The following NFU1 variants were observed in gnomAD, a reference collection of about 807,000 sequenced individuals.
NFU1 encodes the protein NFU1 iron-sulfur cluster scaffold.
NFU1 carries 30 observed loss-of-function variants against 32.2 expected under a neutral mutation model. The ratio of observed to expected loss-of-function variants is 0.93; its 90% CI spans 0.70 to 1.26. The LOEUF is 1.26. Ranked by LOEUF, NFU1 falls within the 50% of genes most tolerant of loss-of-function variation. The probability of loss-of-function intolerance (pLI) is 0.00; values close to 1 mark genes in which losing one functional copy is unlikely to be tolerated. For synonymous variants in NFU1, 112 were observed against 104.6 expected, an observed-to-expected ratio of 1.07 and a Z score of -0.43; for missense variants, 306 against 306.6, an observed-to-expected ratio of 1.00 and a Z score of 0.02.
rs1673007476 is a variant in NFU1 at position 69,415,127 on chromosome 2, A to G, written c.484+58T>C. 6 of 891,842 alleles carry G rather than the reference A, an allele frequency of 6.7e-6. No individual in the cohort carries two copies. The Admixed American group carries it at 1.1e-4, about 17-fold the overall frequency. 55.2% of individuals were successfully genotyped at this position (891,842 alleles called of 1,614,324 possible). A position where few individuals can be genotyped will look rare whatever the true frequency, so the allele number is the denominator to read the frequency against. ...ACTTCTGAAATCAAGGTAAATGTGA[A>G]GAAAATAGAAAAGTCTAAAAAAAGG... On this transcript the variant is annotated intron_variant, in intron 5 of 7. Transcript: ENST00000410022.
At chr2:69,412,114 G>GA (rs1558821878) in intron 5 of NFU1, among the ~76,000 whole-genome samples, 1 of 152,044 alleles carries the variant, frequency 6.6e-6, no homozygotes, top group Non-Finnish European at 1.5e-5. Context: ...GCAATGGCAT[G>GA]ATGTCAGCTC....
Position 69,400,418 on chromosome 2 carries a change from A to G in NFU1, c.666T>C (p.Asn222=). The change falls in exon 7 of 8, where the codon AAT becomes AAC. Residue 222 remains asparagine, a synonymous_variant. Coordinates refer to ENST00000410022, the MANE Select transcript of NFU1 (RefSeq NM_001002755.4). ...AAAACTGCAGCATGTTCTGAATTCCATTTTTCAGAGTAATGATTGAACTAG... is the reference window on the plus strand; with the variant it reads ...AAAACTGCAGCATGTTCTGAATTCCGTTTTTCAGAGTAATGATTGAACTAG... ...SCPSSIITLK[N]GIQNMLQFYI... 1 of 1,614,110 alleles carries G rather than the reference A, an allele frequency of 6.2e-7. No individual in the cohort carries two copies. The highest frequency in any genetic ancestry group is 1.3e-5 in the African/African-American group (1 of 75,042).
chr2:69,439,511 A>G (rs1471298607), upstream of NFU1, among the ~76,000 whole-genome samples: 1 of 152,214 alleles, frequency 6.6e-6, no homozygotes, highest in African/African-American at 2.4e-5. Context: ...AAGATTTACT[A>G]CAAAGAGCAA....
At chr2:69,398,082 T>C (rs1672398482) in intron 7 of NFU1, among the ~76,000 whole-genome samples, 1 of 152,170 alleles carries the variant, frequency 6.6e-6, no homozygotes, top group Non-Finnish European at 1.5e-5. Flanking sequence ...AAAAATTTTG[T>C]CAACCAACTC....
upstream of NFU1, chr2:69,437,664 G>C (rs145353669): frequency 1.9e-3 from 1,155 of 610,632 alleles, 11 homozygotes; most frequent in African/African-American, 0.019. Context: ...ACGCAGCACT[G>C]TGAACGCATG....
intron 2 of NFU1, among the ~76,000 whole-genome samples, chr2:69,427,960 C>G (rs1486490476): frequency 6.6e-6 from 1 of 151,660 alleles, no homozygotes; most frequent in African/African-American, 2.4e-5. Flanking sequence ...GAGGTGGAGG[C>G]TGCAGTGAAC....
intron 5 of NFU1, among the ~76,000 whole-genome samples, chr2:69,413,402 A>G (rs193158039): frequency 1.3e-5 from 2 of 152,092 alleles, no homozygotes; most frequent in Admixed American, 1.3e-4. Flanking sequence ...CTTAAAATAT[A>G]CGGCTAATGT....
At chr2:69,406,944 T>C (rs1468001174) in intron 5 of NFU1, among the ~76,000 whole-genome samples, 1 of 152,110 alleles carries the variant, frequency 6.6e-6, no homozygotes, top group Non-Finnish European at 1.5e-5. Context: ...ATCTGATCGT[T>C]TTATAAGGAA....
intron 1 of NFU1, 100 bp downstream of exon 1, chr2:69,437,261 C>A: frequency 1.3e-6 from 2 of 1,520,238 alleles, no homozygotes; most frequent in Non-Finnish European, 1.8e-6. Context: ...CCATCAGATG[C>A]ACTACCCACC....
At chr2:69,408,354 C>A (rs900560559) in intron 5 of NFU1, among the ~76,000 whole-genome samples, 1 of 152,076 alleles carries the variant, frequency 6.6e-6, no homozygotes, top group Admixed American at 6.6e-5. Flanking sequence ...TTGCCAGTTT[C>A]TTCATTATTT....
intron 2 of NFU1, among the ~76,000 whole-genome samples, chr2:69,424,168 C>A (rs1673365519): frequency 2.3e-5 from 1 of 44,268 alleles, no homozygotes; most frequent in Non-Finnish European, 3.6e-5. Flanking sequence ...GAGACTCTGT[C>A]TCAAAAAAAA....
intron 5 of NFU1, among the ~76,000 whole-genome samples, chr2:69,406,803 A>G (rs1672708238): frequency 6.6e-6 from 1 of 152,070 alleles, no homozygotes; most frequent in South Asian, 2.1e-4. Flanking sequence ...TGTGTCCCCA[A>G]CCAAATCTCA....
chr2:69,399,419 G>T (rs1179600518), intron 7 of NFU1: 3 of 452,824 alleles, frequency 6.6e-6, no homozygotes, highest in South Asian at 4.7e-5. Context: ...TGTTGATATT[G>T]TGCTACACGT....
intron 2 of NFU1, among the ~76,000 whole-genome samples, chr2:69,429,412 T>C (rs1283362409): frequency 6.6e-6 from 1 of 151,854 alleles, no homozygotes; most frequent in African/African-American, 2.4e-5. Context: ...AATACAAAAA[T>C]TGGTCAGCTG....
At chr2:69,400,717 T>TA (rs1672495608) in intron 6 of NFU1, among the ~76,000 whole-genome samples, 179 bp from the exon 7 acceptor site, 1 of 151,980 alleles carries the variant, frequency 6.6e-6, no homozygotes, top group Non-Finnish European at 1.5e-5. Context: ...TTTTTTTTTT[T>TA]ACTCTCAGGT....
chr2:69,427,377 C>A (rs1171518346), intron 2 of NFU1, among the ~76,000 whole-genome samples: 5 of 139,970 alleles, frequency 3.6e-5, no homozygotes, highest in Non-Finnish European at 6.2e-5. Flanking sequence ...AAGAGCAAAA[C>A]TCCATCTCAA....
At chr2:69,438,406 A>G (rs1388551908), upstream of NFU1, among the ~76,000 whole-genome samples, 1 of 152,082 alleles carries the variant, frequency 6.6e-6, no homozygotes, top group African/African-American at 2.4e-5. Flanking sequence ...GGTGTGAGCC[A>G]CGGTGCCTGG....
chr2:69,399,452 T>A, intron 7 of NFU1: 1 of 435,746 alleles, frequency 2.3e-6, no homozygotes, highest in Admixed American at 2.7e-5. Context: ...TTCTACTCAG[T>A]ATAACAACAA....
upstream of NFU1, chr2:69,437,480 G>A (rs771821679): frequency 1.2e-4 from 185 of 1,578,644 alleles, no homozygotes; most frequent in Middle Eastern, 3.3e-4. Flanking sequence ...CTGCGCAGCC[G>A]CAGGCTGGCC....
Sources: allele counts gnomAD v4.1 joint callset (sites outside exome capture counted in the v4.1 genomes callset), GRCh38; gene constraint gnomAD v4.1.1; transcripts MANE v1.5; gene names NCBI Gene and HGNC (gene_info 2026-07-23, HGNC 2026-07-21).